ADAM12: variants seen among roughly 807,000 people sequenced by gnomAD.
ADAM12 encodes disintegrin and metalloproteinase domain-containing protein 12.
In ADAM12, 70 loss-of-function variants were observed where a neutral mutation model predicts 106.4. The ratio of observed to expected loss-of-function variants is 0.66; its 90% CI spans 0.54 to 0.80. The LOEUF (loss-of-function observed/expected upper bound fraction) is 0.80, where lower values mean the gene tolerates loss of function less well. Among genes scored for constraint, ADAM12 ranks in the 30% least tolerant of loss-of-function variants. The probability of loss-of-function intolerance (pLI) is 0.00; values close to 1 mark genes in which losing one functional copy is unlikely to be tolerated. For synonymous variants in ADAM12, 420 were observed against 433.5 expected (o/e 0.97, Z 0.39); for missense variants, 1,010 against 1,171.9 (o/e 0.86, Z 2.02).
At chr10:126,176,188 C>T (rs1957216974) in intron 3 of ADAM12, among the ~76,000 whole-genome samples, 1 of 152,204 alleles carries the variant, frequency 6.6e-6, no homozygotes, top group Non-Finnish European at 1.5e-5. Flanking sequence ...AGAACGATCC[C>T]AAGTAAAGAA....
intron 2 of ADAM12, among the ~76,000 whole-genome samples, chr10:126,329,400 T>C (rs1854423865): frequency 6.6e-6 from 1 of 152,230 alleles, no homozygotes; most frequent in South Asian, 2.1e-4. Context: ...CTGTATCTAT[T>C]ATGTTGTTTT....
intron 3 of ADAM12, among the ~76,000 whole-genome samples, chr10:126,260,634 A>G (rs1324257380): frequency 6.6e-6 from 1 of 152,208 alleles, no homozygotes; most frequent in Non-Finnish European, 1.5e-5. Context: ...GGCTGTGAAG[A>G]AGGTAATGTG....
rs576734522 is a variant in ADAM12, at chr10:126,117,265, G to C, written c.603+773C>G. Among the ~76,000 whole-genome samples the C allele has an allele frequency of 1.2e-4, 18 of 152,336 alleles. No homozygotes were observed. The South Asian group carries it at 2.3e-3, about 19-fold the overall frequency. The stretch of plus-strand genomic sequence containing the variant: ...GAGAAAAGGGGCAGGCCACCCTTAG[G>C]GGTGGAGGTTTCATGGTGTGACACT... On this transcript the variant is annotated intron_variant, in intron 6 of 22. Transcript: ENST00000448723.
chr10:126,217,289 G>A (rs1958004644), intron 3 of ADAM12, among the ~76,000 whole-genome samples: 1 of 151,860 alleles, frequency 6.6e-6, no homozygotes, highest in Non-Finnish European at 1.5e-5. Context: ...CAGTCCCATA[G>A]CTTTCTACAA....
At chr10:126,023,415 A>G (rs1480214296) in intron 21 of ADAM12, among the ~76,000 whole-genome samples, 1 of 152,170 alleles carries the variant, frequency 6.6e-6, no homozygotes, top group Non-Finnish European at 1.5e-5. Flanking sequence ...AGGGAGTAGT[A>G]ACTGAAGATG....
At chr10:126,047,737 G>A (rs12765977) in intron 16 of ADAM12, among the ~76,000 whole-genome samples, 35,087 of 152,106 alleles carry the variant, frequency 0.23, 5,004 homozygotes, top group East Asian at 0.34. Context: ...CAGTGCAGTC[G>A]TTCCTCAAAG....
chr10:126,067,797 T>C (rs911556878), intron 12 of ADAM12, among the ~76,000 whole-genome samples: 1 of 152,238 alleles, frequency 6.6e-6, no homozygotes, highest in African/African-American at 2.4e-5. Flanking sequence ...GAAAAATTTA[T>C]ATACCATTGG....
intron 22 of ADAM12, 96 bp downstream of exon 22, chr10:126,019,599 C>G (rs1953723013): frequency 6.6e-7 from 1 of 1,505,672 alleles, no homozygotes; most frequent in Non-Finnish European, 9.0e-7. Flanking sequence ...GAAGCACGGC[C>G]TAGACCACTG....
chr10:126,223,115 T>TTA (rs1212717128), intron 3 of ADAM12, among the ~76,000 whole-genome samples: 3 of 152,214 alleles, frequency 2.0e-5, no homozygotes, highest in Admixed American at 1.3e-4. Flanking sequence ...TCCTATCAAT[T>TTA]TATAGCCTGT....
intron 3 of ADAM12, 99 bp from the exon 4 acceptor site, chr10:126,155,404 CT>C (rs5788768): frequency 0.13 from 102,827 of 770,836 alleles, no homozygotes; most frequent in South Asian, 0.2. Context: ...TTGTGACCTC[CT>C]TTTTTTTTTT....
chr10:126,076,052 G>T lies in ADAM12; in HGVS notation c.1146-4398C>A, dbSNP rs554025610. 1.4e-4 allele frequency among the ~76,000 whole-genome samples: 21 copies of T among 152,260 alleles called. 1 individual carries two copies. The highest frequency in any genetic ancestry group is 6.8e-3 in the Middle Eastern group (2 of 294). On this transcript the variant is annotated intron_variant, in intron 11 of 22. Coordinates refer to ENST00000448723, the MANE Select transcript of ADAM12 (RefSeq NM_001288973.2). Reference sequence around the variant, plus strand: ...AGGTAGTGAGCATAGTACCCAATAGGTGGTTTTTCAGCTCTTGCTCCCCTC... The same window carrying T: ...AGGTAGTGAGCATAGTACCCAATAGTTGGTTTTTCAGCTCTTGCTCCCCTC...
intron 3 of ADAM12, among the ~76,000 whole-genome samples, chr10:126,236,298 C>T (rs963702685): frequency 2.6e-5 from 4 of 152,140 alleles, no homozygotes; most frequent in African/African-American, 4.8e-5. Flanking sequence ...CTGCAACTCT[C>T]GAGTGTCTGG....
intron 2 of ADAM12, among the ~76,000 whole-genome samples, chr10:126,287,070 C>T (rs772848236): frequency 6.6e-6 from 1 of 152,126 alleles, no homozygotes; most frequent in East Asian, 1.9e-4. Context: ...TTCTTTGTCC[C>T]GTCGCTACCG....
At chr10:126,243,484 A>ATGTGTGTGTGTGT (rs1565162693) in intron 3 of ADAM12, among the ~76,000 whole-genome samples, 1 of 137,126 alleles carries the variant, frequency 7.3e-6, no homozygotes. Flanking sequence ...TGTGTGTGTG[A>ATGTGTGTGTGTGT]GTGTATGTGT....
In ADAM12 at chr10:126,278,452, TAAG is replaced by T. The variant is rs796812621; in HGVS notation, c.260+460_260+462del. Among the ~76,000 whole-genome samples the T allele has an allele frequency of 3.9e-5, 6 of 152,284 alleles. No individual in the cohort carries two copies. The South Asian group carries it at 1.0e-3, about 26-fold the overall frequency. Reference sequence around the variant, plus strand: ...CCACAAAAGGACCAATTTTTAAAAATAAGAAGATGACAGAAATAGTCCAAATCA... The same window carrying T: ...CCACAAAAGGACCAATTTTTAAAAATAAGATGACAGAAATAGTCCAAATCA... On this transcript the variant is annotated intron_variant, in intron 3 of 22. Coordinates refer to ENST00000448723, the MANE Select transcript of ADAM12 (RefSeq NM_001288973.2).
At chr10:126,147,920 G>A (rs545553658) in intron 4 of ADAM12, among the ~76,000 whole-genome samples, 231 of 152,308 alleles carry the variant, frequency 1.5e-3, no homozygotes, top group African/African-American at 5.3e-3. Flanking sequence ...TGTAACAGAC[G>A]AATGTATTCC....
intron 3 of ADAM12, among the ~76,000 whole-genome samples, chr10:126,199,682 A>G (rs993558741): frequency 1.3e-5 from 2 of 152,232 alleles, no homozygotes; most frequent in African/African-American, 2.4e-5. Context: ...TAAATCAGAG[A>G]AAAATAAACA....
intron 3 of ADAM12, among the ~76,000 whole-genome samples, chr10:126,203,044 G>A (rs887392684): frequency 6.6e-6 from 1 of 152,206 alleles, no homozygotes; most frequent in African/African-American, 2.4e-5. Context: ...CATCTTTTGT[G>A]AAAGTTCAGG....
chr10:126,219,042 G>A (rs148011061), intron 3 of ADAM12, among the ~76,000 whole-genome samples: 66 of 152,318 alleles, frequency 4.3e-4, no homozygotes, highest in African/African-American at 1.6e-3. Context: ...GACAGAGATT[G>A]CAGGCAGTAA....
Sources: allele counts gnomAD v4.1 joint callset (sites outside exome capture counted in the v4.1 genomes callset), GRCh38; gene constraint gnomAD v4.1.1; transcripts MANE v1.5; gene names NCBI Gene and HGNC (gene_info 2026-07-23, HGNC 2026-07-21).